The following PBX1 variants were observed in gnomAD, a reference collection of about 807,000 sequenced individuals.
PBX1 encodes the protein pre-B-cell leukemia transcription factor 1.
Under a neutral mutation model 53.4 loss-of-function variants are expected in PBX1, and 6 were observed. The ratio of observed to expected loss-of-function variants is 0.11; its 90% CI spans 0.06 to 0.22. The LOEUF (loss-of-function observed/expected upper bound fraction) is 0.22. PBX1 is among the 10% of genes least tolerant of loss of function. The probability of loss-of-function intolerance (pLI) is 1.00; values close to 1 mark genes in which losing one functional copy is unlikely to be tolerated. For synonymous variants in PBX1, 204 were observed against 212.3 expected, an observed-to-expected ratio of 0.96 and a Z score of 0.34; for missense variants, 251 against 551.4, an observed-to-expected ratio of 0.46 and a Z score of 5.46.
At position 164,559,770 on chromosome 1, in the gene PBX1, G is replaced by A. The variant is rs1446202470; in HGVS notation, c.-53G>A. On this transcript the variant is annotated 5_prime_UTR_variant, in exon 1 of 9. Coordinates refer to ENST00000420696, the MANE Select transcript of PBX1 (RefSeq NM_002585.4). ...TAAAAAGCCTTGGTGCTTCCCAGGA[G>A]CCGAGCCGAGGAGCAGAAGAGGAAG... 1 of 1,423,326 alleles carries A rather than the reference G, an allele frequency of 7.0e-7. No homozygotes were observed. The allele number at this position is 1,423,326 out of a possible 1,614,324, so 88.2% of individuals were successfully genotyped here.
At chr1:164,600,873 A>G (rs2101799690) in intron 2 of PBX1, among the ~76,000 whole-genome samples, 1 of 152,322 alleles carries the variant, frequency 6.6e-6, no homozygotes, top group Non-Finnish European at 1.5e-5. Context: ...AATGGGCCAG[A>G]GGTTGTCATC....
intron 8 of PBX1, among the ~76,000 whole-genome samples, chr1:164,822,990 T>G (rs1196392359): frequency 6.6e-6 from 1 of 152,176 alleles, no homozygotes; most frequent in East Asian, 1.9e-4. Context: ...TTGATTGTCT[T>G]GATGACTTTT....
intron 2 of PBX1, among the ~76,000 whole-genome samples, chr1:164,568,857 A>G (rs1653626979): frequency 6.6e-6 from 1 of 152,230 alleles, no homozygotes; most frequent in Non-Finnish European, 1.5e-5. Context: ...GTGCAGGAAT[A>G]GATTGTCATA....
At chr1:164,576,882 C>T in intron 2 of PBX1, 1 of 152,428 alleles carries the variant, frequency 6.6e-6, no homozygotes, top group Non-Finnish European at 1.5e-5. Context: ...TGGGAAGGAT[C>T]TGTTCCGTGG....
At chr1:164,603,949 T>TTTTTTTTTTTTTTTTTTTTTTTTA (rs1656375441) in intron 2 of PBX1, among the ~76,000 whole-genome samples, 1 of 128,878 alleles carries the variant, frequency 7.8e-6, no homozygotes, top group Non-Finnish European at 1.6e-5. Context: ...TTTTTTTTTT[T>TTTTTTTTTTTTTTTTTTTTTTTTA]TTTTTTTTTT....
At chr1:164,629,201 A>G (rs1436311850) in intron 2 of PBX1, among the ~76,000 whole-genome samples, 1 of 152,162 alleles carries the variant, frequency 6.6e-6, no homozygotes, top group Non-Finnish European at 1.5e-5. Flanking sequence ...CAAGGAATGG[A>G]AAGAAGCTGA....
chr1:164,866,624 C>T (rs1284802348), intron 2 of PBX1, among the ~76,000 whole-genome samples: 3 of 152,132 alleles, frequency 2.0e-5, no homozygotes, highest in African/African-American at 7.2e-5. Flanking sequence ...AGGCACTATC[C>T]CTTATCTGGC....
intron 2 of PBX1, among the ~76,000 whole-genome samples, chr1:164,687,960 C>T (rs1213186118): frequency 6.6e-6 from 1 of 152,162 alleles, no homozygotes; most frequent in Non-Finnish European, 1.5e-5. Context: ...CAGTGGAGAC[C>T]TATTTGAGAC....
chr1:164,564,514 C>T (rs1328107712), intron 2 of PBX1, among the ~76,000 whole-genome samples: 1 of 152,022 alleles, frequency 6.6e-6, no homozygotes, highest in Non-Finnish European at 1.5e-5. Context: ...TATGTAATTA[C>T]TTGGGTCTTG....
chr1:164,759,526 A>T (rs1666703280), intron 2 of PBX1, among the ~76,000 whole-genome samples: 1 of 152,132 alleles, frequency 6.6e-6, no homozygotes, highest in Non-Finnish European at 1.5e-5. Context: ...TCTTTTTTTA[A>T]AGAAAGAAAC....
At chr1:164,718,013 A>C (rs1055988984) in intron 2 of PBX1, among the ~76,000 whole-genome samples, 10 of 152,258 alleles carry the variant, frequency 6.6e-5, no homozygotes, top group African/African-American at 2.2e-4. Flanking sequence ...AAATGACATT[A>C]TCCCCATTTG....
chr1:164,727,714 C>T (rs918370817), intron 2 of PBX1, among the ~76,000 whole-genome samples: 1 of 152,200 alleles, frequency 6.6e-6, no homozygotes, highest in Non-Finnish European at 1.5e-5. Context: ...TCTTCGCCAT[C>T]GTTGGCTGCT....
intron 2 of PBX1, among the ~76,000 whole-genome samples, chr1:164,609,993 C>T (rs1463973847): frequency 6.6e-6 from 1 of 152,172 alleles, no homozygotes; most frequent in Non-Finnish European, 1.5e-5. Context: ...TCACAGAACC[C>T]CCAAGACCGG....
intron 2 of PBX1, chr1:164,771,666 G>C (rs1667378958): frequency 6.6e-6 from 1 of 151,726 alleles, no homozygotes; most frequent in Non-Finnish European, 1.5e-5. Context: ...GCCACACTGG[G>C]ACAAACTATT....
At chr1:164,583,719 A>G (rs1366154731) in intron 2 of PBX1, among the ~76,000 whole-genome samples, 1 of 152,176 alleles carries the variant, frequency 6.6e-6, no homozygotes, top group Non-Finnish European at 1.5e-5. Context: ...ACTTATTAGA[A>G]ATAATGTTTA....
At chr1:164,724,013 G>T (rs1012056010) in intron 2 of PBX1, among the ~76,000 whole-genome samples, 1 of 152,106 alleles carries the variant, frequency 6.6e-6, no homozygotes, top group Non-Finnish European at 1.5e-5. Flanking sequence ...ACCTGAACAC[G>T]TATGCTTACC....
At chr1:164,603,595 A>G (rs935337584) in intron 2 of PBX1, among the ~76,000 whole-genome samples, 4 of 152,236 alleles carry the variant, frequency 2.6e-5, no homozygotes, top group Admixed American at 1.3e-4. Flanking sequence ...AAGCTACAAT[A>G]TGTAAGCCAT....
chr1:164,853,534 A>C (rs1158378069), downstream of PBX1, among the ~76,000 whole-genome samples: 4 of 152,216 alleles, frequency 2.6e-5, no homozygotes, highest in African/African-American at 7.2e-5. Flanking sequence ...GAGATGTCCA[A>C]TCCAATATTG....
chr1:164,623,949 A>T (rs1657865762), intron 2 of PBX1, among the ~76,000 whole-genome samples: 1 of 152,230 alleles, frequency 6.6e-6, no homozygotes, highest in Non-Finnish European at 1.5e-5. Flanking sequence ...TCAGACAAAC[A>T]GGAGCTGAGA....
Sources: gnomAD v4.1 joint callset for allele counts (sites outside exome capture counted in the v4.1 genomes callset) on GRCh38, gnomAD v4.1.1 for gene constraint, MANE v1.5 for transcripts, NCBI Gene and HGNC (gene_info 2026-07-23, HGNC 2026-07-21) for gene names.